Variants in ADRA1D observed in about 807,000 individuals in gnomAD.
ADRA1D encodes adrenoceptor alpha 1D.
ADRA1D carries 22 observed loss-of-function variants against 18.6 expected under a neutral mutation model. That is an observed-to-expected ratio of 1.19 (90% confidence interval 0.85 to 1.69). ADRA1D has a LOEUF of 1.69. Ranked by LOEUF, ADRA1D falls within the 40% of genes most tolerant of loss-of-function variation. The probability of loss-of-function intolerance (pLI) is 0.00; values close to 1 mark genes in which losing one functional copy is unlikely to be tolerated. For synonymous variants in ADRA1D, 376 were observed against 388.2 expected (o/e 0.97, Z 0.37); for missense variants, 840 against 840.7 (o/e 1.00, Z 0.01).
At position 4,222,057 on chromosome 20, in the gene ADRA1D, G is replaced by A. The variant is rs1192198768; in HGVS notation, c.1185C>T (p.Ser395=). The A allele has an allele frequency of 3.7e-6, 6 of 1,612,490 alleles. No homozygotes were observed. In the African/African-American group the frequency reaches 6.7e-5, roughly 18 times the overall value. ...KVIFWLGYFN[S]CVNPLIYPCS... ...AGGGGTAGATGAGCGGGTTCACGCAGCTGTTGAAGTAGCCGAGCCAGAAGA... is the reference window on the plus strand; with the variant it reads ...AGGGGTAGATGAGCGGGTTCACGCAACTGTTGAAGTAGCCGAGCCAGAAGA... The change falls in exon 2 of 2, where the codon AGC becomes AGT. Residue 395 remains serine (S), a synonymous_variant. Coordinates refer to ENST00000379453, the MANE Select transcript of ADRA1D (RefSeq NM_000678.4). The surrounding 1 kb of genome is among the most constrained non-coding windows in gnomAD (Gnocchi z 4.3).
Position 4,247,415 on chromosome 20 carries a change from T to C in ADRA1D, c.1111+432A>G, listed in dbSNP as rs567590956. On this transcript the variant is annotated intron_variant, in intron 1 of 1. Transcript: ENST00000379453. ...GGGTGGCTTCTGGCATCTGCTGATGTACCTGCTGACTGGCCAGGGCTTGCT... is the reference window on the plus strand; with the variant it reads ...GGGTGGCTTCTGGCATCTGCTGATGCACCTGCTGACTGGCCAGGGCTTGCT... Among the ~76,000 whole-genome samples the C allele has an allele frequency of 2.0e-5, 3 of 152,238 alleles. No individual in the cohort carries two copies. The South Asian group carries it at 6.2e-4, about 32-fold the overall frequency.
intron 1 of ADRA1D, among the ~76,000 whole-genome samples, chr20:4,247,099 G>A (rs898331069): frequency 2.6e-5 from 4 of 152,190 alleles, no homozygotes; most frequent in South Asian, 2.1e-4. Flanking sequence ...GGTAGGAGGC[G>A]GCCTCTGAAG....
chr20:4,238,114 G>T, intron 1 of ADRA1D, among the ~76,000 whole-genome samples: 1 of 151,580 alleles, frequency 6.6e-6, no homozygotes, highest in South Asian at 2.1e-4. Flanking sequence ...TTAGCCGGGC[G>T]TGGTGGTGGG....
At chr20:4,228,586 G>C (rs150691058) in intron 1 of ADRA1D, among the ~76,000 whole-genome samples, 1 of 152,346 alleles carries the variant, frequency 6.6e-6, no homozygotes, top group East Asian at 1.9e-4. Flanking sequence ...GTTACCTACA[G>C]TGTAACCTTT....
At chr20:4,240,651 G>A (rs1981190970) in intron 1 of ADRA1D, among the ~76,000 whole-genome samples, 1 of 152,080 alleles carries the variant, frequency 6.6e-6, no homozygotes, top group Non-Finnish European at 1.5e-5. Context: ...AAAATTAGCT[G>A]GGCATGGTGG....
At position 4,248,202 on chromosome 20, in the gene ADRA1D, C is replaced by T. The variant is rs769193684; in HGVS notation, c.756G>A (p.Ala252=). 2.5e-6 allele frequency: 4 copies of T among 1,591,352 alleles called. No individual in the cohort carries two copies. Among genetic ancestry groups the T allele is most frequent in the African/African-American group, 1.3e-5 (1 of 74,774 alleles). The part of the protein sequence containing the change: ...DERFCGITEE[A]GYAVFSSVCS... ...ACACGGAGGAGAAGACAGCGTAGCC[C>T]GCCTCCTCGGTGATACCGCAGAAGC... Residue 252 remains alanine, a synonymous_variant, in exon 1 of 2, where the codon GCG becomes GCA. Coordinates refer to ENST00000379453, the MANE Select transcript of ADRA1D (RefSeq NM_000678.4).
chr20:4,222,070 C>T lies in ADRA1D; in HGVS notation c.1172G>A (p.Gly391Asp). 1 of 1,612,976 alleles carries T rather than the reference C, an allele frequency of 6.2e-7. No homozygotes were observed. The highest frequency in any genetic ancestry group is 8.5e-7 in the Non-Finnish European group (1 of 1,179,584). The change falls in exon 2 of 2, where the codon GGC (glycine) becomes GAC (aspartate). Residue 391 changes from glycine (G) to aspartate (D), a missense_variant. Transcript: ENST00000379453. This position sits in a 1 kb window ranked among gnomAD's most constrained non-coding sequence, Gnocchi z 4.3. ...EGVFKVIFWLGYFNSCVNPLI... is the reference protein window; with the variant it reads ...EGVFKVIFWLDYFNSCVNPLI... ...CGGGTTCACGCAGCTGTTGAAGTAG[C>T]CGAGCCAGAAGATGACCTTGAAGAC...
chr20:4,224,413 T>C (rs3787441), intron 1 of ADRA1D, among the ~76,000 whole-genome samples: 34,485 of 151,980 alleles, frequency 0.23, 4,146 homozygotes, highest in South Asian at 0.37. Flanking sequence ...CTGACATCCA[T>C]ACCATGGACC....
At chr20:4,234,908 A>G (rs1236740049) in intron 1 of ADRA1D, among the ~76,000 whole-genome samples, 2 of 152,158 alleles carry the variant, frequency 1.3e-5, no homozygotes, top group Non-Finnish European at 2.9e-5. Context: ...GGAAGTTAGG[A>G]CCGCCAAAGT....
At chr20:4,233,223 A>G (rs1005383280) in intron 1 of ADRA1D, among the ~76,000 whole-genome samples, 2 of 152,082 alleles carry the variant, frequency 1.3e-5, no homozygotes, top group African/African-American at 4.8e-5. Context: ...CACTTTGGGA[A>G]GCCGAAGTAG....
chr20:4,221,400 A>G lies in ADRA1D; in HGVS notation c.*123T>C. On this transcript the variant is annotated 3_prime_UTR_variant, in exon 2 of 2. Coordinates refer to ENST00000379453, the MANE Select transcript of ADRA1D (RefSeq NM_000678.4). Reference sequence around the variant, plus strand: ...GCCCAGTTCCTCAGGGATGTCACAGAGCAGCTGCCCTGATCAGTTTCCGGG... The same window carrying G: ...GCCCAGTTCCTCAGGGATGTCACAGGGCAGCTGCCCTGATCAGTTTCCGGG... The G allele has an allele frequency of 9.2e-7, 1 of 1,088,334 alleles. No individual in the cohort carries two copies. Among genetic ancestry groups the G allele is most frequent in the Non-Finnish European group, 1.3e-6 (1 of 760,084 alleles). 67.4% of individuals were successfully genotyped at this position (1,088,334 alleles called of 1,614,324 possible). A position where few individuals can be genotyped will look rare whatever the true frequency, so the allele number is the denominator to read the frequency against.
rs982685764 is a variant in ADRA1D at position 4,221,710 on chromosome 20, C to T, written c.1532G>A (p.Arg511His). 10 of 1,610,014 alleles carry T rather than the reference C, an allele frequency of 6.2e-6. No homozygotes were observed. The highest frequency in any genetic ancestry group is 8.5e-6 in the Non-Finnish European group (10 of 1,179,276). ...GPFRRPTTQL[R>H]AKVSSLSHKI... is the part of the protein sequence containing the mutation. ...GTGCGACAGGCTGGAGACTTTGGCG[C>T]GCAGCTGGGTCGTGGGTCTCCGGAA... The change falls in exon 2 of 2, where the codon CGC (arginine) becomes CAC (histidine). Residue 511 changes from arginine to histidine, a missense_variant. By Grantham distance (29) the Arg-to-His change is conservative. Coordinates refer to ENST00000379453, the MANE Select transcript of ADRA1D (RefSeq NM_000678.4).
At chr20:4,243,658 C>A (rs1474367065) in intron 1 of ADRA1D, among the ~76,000 whole-genome samples, 1 of 152,050 alleles carries the variant, frequency 6.6e-6, no homozygotes, top group Non-Finnish European at 1.5e-5. Context: ...CACCACGGAA[C>A]GTGGGCAGGA....
chr20:4,231,909 C>CTTTTTCT (rs1404409922), intron 1 of ADRA1D, among the ~76,000 whole-genome samples: 5 of 152,102 alleles, frequency 3.3e-5, no homozygotes. Context: ...TCTGGGTTTT[C>CTTTTTCT]TTTTTCTTTT....
At chr20:4,227,687 T>C (rs202137228) in intron 1 of ADRA1D, among the ~76,000 whole-genome samples, 374 of 47,668 alleles carry the variant, frequency 7.8e-3, no homozygotes, top group African/African-American at 0.019. Context: ...TCCTTCCCTC[T>C]CTCCCTCCCT....
intron 1 of ADRA1D, among the ~76,000 whole-genome samples, chr20:4,230,257 G>A (rs370933130): frequency 7.3e-4 from 111 of 152,298 alleles, no homozygotes; most frequent in African/African-American, 2.6e-3. Context: ...CTATCTCCCT[G>A]CAATGAACAT....
At position 4,228,185 on chromosome 20, in the gene ADRA1D, C is replaced by T. The variant is rs1980866997; in HGVS notation, c.1112-6055G>A. Among the ~76,000 whole-genome samples the T allele has an allele frequency of 2.0e-5, 3 of 152,174 alleles. No individual in the cohort carries two copies. In the South Asian group the frequency reaches 6.2e-4, roughly 32 times the overall value. ...CCTTAACTGTTCTCTTTTCCACCAA[C>T]CCCCTCATCCTTCTGGATGTAGGGA... On this transcript the variant is annotated intron_variant, in intron 1 of 1. Coordinates refer to ENST00000379453, the MANE Select transcript of ADRA1D (RefSeq NM_000678.4).
chr20:4,229,855 G>A (rs553039095), intron 1 of ADRA1D, among the ~76,000 whole-genome samples: 13 of 151,946 alleles, frequency 8.6e-5, no homozygotes, highest in South Asian at 4.2e-4. Flanking sequence ...GACTGGTCAC[G>A]TCACTCCTCT....
intron 1 of ADRA1D, among the ~76,000 whole-genome samples, chr20:4,243,578 C>T (rs2122676674): frequency 6.6e-6 from 1 of 152,282 alleles, no homozygotes; most frequent in South Asian, 2.1e-4. Flanking sequence ...CTAGCTATCC[C>T]ACCGGTCACA....
Sources: gnomAD v4.1 joint callset for allele counts (sites outside exome capture counted in the v4.1 genomes callset) on GRCh38, gnomAD v4.1.1 for gene constraint, Gnocchi (gnomAD v3.1) non-coding constraint, MANE v1.5 for transcripts, NCBI Gene and HGNC (gene_info 2026-07-23, HGNC 2026-07-21) for gene names.